Variants in MBD5 observed in about 807,000 individuals in gnomAD.
The protein encoded by MBD5 is methyl-CpG-binding domain protein 5.
Under a neutral mutation model 117.3 loss-of-function variants are expected in MBD5, and 13 were observed. That is an observed-to-expected ratio of 0.11 (90% CI 0.07 to 0.18). MBD5 has a LOEUF of 0.18. MBD5 is among the 10% of genes least tolerant of loss of function. The pLI, the probability that MBD5 is intolerant of heterozygous loss-of-function variation, is 1.00. For synonymous variants in MBD5, 727 were observed against 766.4 expected, an observed-to-expected ratio of 0.95 and a Z score of 0.85; for missense variants, 1,879 against 2,093.8, an observed-to-expected ratio of 0.90 and a Z score of 2.00.
chr2:148,419,910 G>A (rs919116626), intron 4 of MBD5, among the ~76,000 whole-genome samples: 2 of 152,038 alleles, frequency 1.3e-5, no homozygotes, highest in Admixed American at 1.3e-4. Context: ...CATCTCTGGA[G>A]GAACTCATTT....
chr2:148,259,630 G>C (rs951041374), intron 3 of MBD5, among the ~76,000 whole-genome samples: 1 of 152,188 alleles, frequency 6.6e-6, no homozygotes, highest in Non-Finnish European at 1.5e-5. Flanking sequence ...AGACAGTTTT[G>C]ACATGGCTTT....
chr2:148,066,493 T>C (rs115819400), intron 1 of MBD5, among the ~76,000 whole-genome samples: 3,754 of 150,912 alleles, frequency 0.025, 84 homozygotes, highest in South Asian at 0.074. Flanking sequence ...TTCTTTTTTT[T>C]TTTTTTTTGT....
chr2:148,064,361 C>T (rs1193487414), intron 1 of MBD5, among the ~76,000 whole-genome samples: 4 of 151,580 alleles, frequency 2.6e-5, no homozygotes, highest in Non-Finnish European at 4.4e-5. Flanking sequence ...GTGATCCCCT[C>T]GCCTCGGCCT....
chr2:148,382,033 C>T (rs1421752929), intron 4 of MBD5, among the ~76,000 whole-genome samples: 6 of 152,096 alleles, frequency 3.9e-5, no homozygotes, highest in East Asian at 1.9e-4. Context: ...ATCAAGGCTA[C>T]GAAGAAACTG....
At chr2:148,482,233 G>A (rs982042183) in intron 8 of MBD5, among the ~76,000 whole-genome samples, 4 of 152,064 alleles carry the variant, frequency 2.6e-5, no homozygotes, top group African/African-American at 4.8e-5. Context: ...AAATAATTAG[G>A]TGAACTGGCA....
intron 3 of MBD5, among the ~76,000 whole-genome samples, chr2:148,310,112 C>A (rs147457202): frequency 3.3e-5 from 5 of 152,090 alleles, no homozygotes; most frequent in African/African-American, 1.2e-4. Flanking sequence ...TTTTCTTTTT[C>A]TGTTGTGTCT....
chr2:148,328,460 T>G lies in MBD5; in HGVS notation c.-679-13754T>G, dbSNP rs537773026. Among the ~76,000 whole-genome samples, 4 of 152,356 alleles carry G rather than the reference T, an allele frequency of 2.6e-5. No individual in the cohort carries two copies. In the East Asian group the frequency reaches 7.7e-4, roughly 29 times the overall value. ...CTAGCCTCGCTGCTGCCTTGCAGTT[T>G]GATCTCAGACTGCTGTGCTAGCAAT... On this transcript the variant is annotated intron_variant, in intron 3 of 13. Transcript: ENST00000642680.
chr2:148,087,504 C>T (rs1355278179), intron 1 of MBD5, among the ~76,000 whole-genome samples: 1 of 152,200 alleles, frequency 6.6e-6, no homozygotes, highest in Non-Finnish European at 1.5e-5. Flanking sequence ...TGCTGGTATC[C>T]ATGGCTGGGA....
intron 11 of MBD5, among the ~76,000 whole-genome samples, chr2:148,491,226 ATAAAT>A (rs1200945299): frequency 6.6e-6 from 1 of 151,936 alleles, no homozygotes; most frequent in Non-Finnish European, 1.5e-5. Context: ...ATTAGATCAC[ATAAAT>A]TAAATGAAAG....
chr2:148,251,125 C>A (rs1037037203), intron 3 of MBD5, among the ~76,000 whole-genome samples: 1 of 151,994 alleles, frequency 6.6e-6, no homozygotes, highest in Non-Finnish European at 1.5e-5. Flanking sequence ...GGGTGTCGGG[C>A]AAAAGGGTGC....
chr2:148,476,666 G>T (rs1270393582), intron 8 of MBD5, among the ~76,000 whole-genome samples: 1 of 151,994 alleles, frequency 6.6e-6, no homozygotes, highest in Non-Finnish European at 1.5e-5. Flanking sequence ...CCCACTAATA[G>T]ATCTCAATAA....
intron 1 of MBD5, among the ~76,000 whole-genome samples, chr2:148,070,572 C>G (rs1695323516): frequency 6.6e-6 from 1 of 152,004 alleles, no homozygotes; most frequent in South Asian, 2.1e-4. Context: ...CTCTGAGGGC[C>G]ATATCTCCAG....
intron 1 of MBD5, among the ~76,000 whole-genome samples, chr2:148,131,369 T>G (rs1243612713): frequency 3.3e-5 from 5 of 152,168 alleles, no homozygotes; most frequent in Non-Finnish European, 7.3e-5. Context: ...CTTACACAAT[T>G]TTCATAAGAA....
intron 4 of MBD5, among the ~76,000 whole-genome samples, chr2:148,370,596 C>T (rs980533606): frequency 7.9e-5 from 12 of 152,094 alleles, no homozygotes; most frequent in Admixed American, 3.3e-4. Flanking sequence ...TCAAGTGATC[C>T]TGCTGCCTCA....
rs1293936199 is a variant in MBD5, at chr2:148,468,541, C to G, written c.598C>G (p.Arg200Gly). Residue 200 changes from arginine to glycine, a missense_variant, in exon 8 of 14, where the codon CGA becomes GGA. Coordinates refer to ENST00000642680, the MANE Select transcript of MBD5 (RefSeq NM_001378120.1). ...QQQELHPVYP[R>G]QRLGSSEHGQ... ...ACAAGAACTCCACCCTGTCTACCCC[C>G]GACAGAGATTGGGCAGCAGTGAACA... 1 of 1,613,858 alleles carries G rather than the reference C, an allele frequency of 6.2e-7. No homozygotes were observed. Among genetic ancestry groups the G allele is most frequent in the South Asian group, 1.1e-5 (1 of 91,076 alleles).
intron 3 of MBD5, among the ~76,000 whole-genome samples, chr2:148,327,575 G>A (rs1392492220): frequency 4.6e-5 from 7 of 151,388 alleles, no homozygotes; most frequent in African/African-American, 7.3e-5. Flanking sequence ...TTCCCTTCTC[G>A]CTTCATTTCA....
At chr2:148,212,566 G>A (rs565206289) in intron 2 of MBD5, among the ~76,000 whole-genome samples, 6 of 151,566 alleles carry the variant, frequency 4.0e-5, no homozygotes, top group African/African-American at 7.3e-5. Context: ...AGTCTTTGAC[G>A]TGTATTTTAG....
At chr2:148,329,879 T>TA (rs1478135619) in intron 3 of MBD5, among the ~76,000 whole-genome samples, 1 of 152,166 alleles carries the variant, frequency 6.6e-6, no homozygotes, top group Admixed American at 6.5e-5. Context: ...GCTTGTTTTA[T>TA]AAAAAATTAT....
At chr2:148,477,418 AT>A (rs1014835938) in intron 8 of MBD5, among the ~76,000 whole-genome samples, 14 of 152,218 alleles carry the variant, frequency 9.2e-5, no homozygotes, top group Non-Finnish European at 2.1e-4. Context: ...AGTCCCTAAG[AT>A]TTCGTTTCTA....
Sources: gnomAD v4.1 joint callset for allele counts (sites outside exome capture counted in the v4.1 genomes callset) on GRCh38, gnomAD v4.1.1 for gene constraint, MANE v1.5 for transcripts, NCBI Gene and HGNC (gene_info 2026-07-23, HGNC 2026-07-21) for gene names.